Variants in NEXN observed in about 807,000 individuals in gnomAD.
NEXN encodes nexilin F-actin binding protein.
Under a neutral mutation model 92.6 loss-of-function variants are expected in NEXN, and 65 were observed. That is an observed-to-expected ratio of 0.70 (90% CI 0.57 to 0.86). The LOEUF is 0.86. NEXN is among the 40% of genes least tolerant of loss of function. The pLI is 0.00. For missense variants in NEXN, 778 were observed against 771.1 expected, an observed-to-expected ratio of 1.01 and a Z score of -0.11; for synonymous variants, 254 against 242.5, an observed-to-expected ratio of 1.05 and a Z score of -0.44.
At chr1:77,925,960 TG>T (rs1366337927) in intron 6 of NEXN, among the ~76,000 whole-genome samples, 1 of 152,126 alleles carries the variant, frequency 6.6e-6, no homozygotes, top group Non-Finnish European at 1.5e-5. Flanking sequence ...GGAAATACTG[TG>T]TTTTTTTCTC....
intron 5 of NEXN, among the ~76,000 whole-genome samples, chr1:77,920,536 G>C (rs1202981554): frequency 6.8e-6 from 1 of 147,526 alleles, no homozygotes; most frequent in African/African-American, 2.5e-5. Flanking sequence ...CAGGAGGACT[G>C]CTTGAGCCCA....
chr1:77,914,788 C>A (rs1485527543), intron 1 of NEXN, among the ~76,000 whole-genome samples: 1 of 148,812 alleles, frequency 6.7e-6, no homozygotes, highest in Non-Finnish European at 1.5e-5. Context: ...AACTGGAAGG[C>A]GGAGGTTGCA....
chr1:77,897,627 C>A (rs796972894), intron 1 of NEXN, among the ~76,000 whole-genome samples: 8 of 151,314 alleles, frequency 5.3e-5, no homozygotes, highest in Non-Finnish European at 1.2e-4. Context: ...TCTCACCACT[C>A]CTATTCAACA....
At chr1:77,896,710 G>T (rs1398009740) in intron 1 of NEXN, among the ~76,000 whole-genome samples, 3 of 151,668 alleles carry the variant, frequency 2.0e-5, no homozygotes, top group African/African-American at 4.9e-5. Context: ...AGTGAGCTGA[G>T]ATTGCACCAC....
intron 10 of NEXN, among the ~76,000 whole-genome samples, chr1:77,934,745 G>A (rs999664005): frequency 2.0e-5 from 3 of 152,198 alleles, no homozygotes; most frequent in Non-Finnish European, 2.9e-5. Context: ...CAGGGGCCAG[G>A]CCACACACAT....
At chr1:77,894,696 C>T (rs1291266354) in intron 1 of NEXN, among the ~76,000 whole-genome samples, 2 of 151,862 alleles carry the variant, frequency 1.3e-5, no homozygotes, top group African/African-American at 4.8e-5. Context: ...TGAACCAATG[C>T]ACCCAGCCTA....
intron 11 of NEXN, among the ~76,000 whole-genome samples, chr1:77,939,527 CCTTTT>C (rs1651076765): frequency 1.3e-5 from 2 of 152,186 alleles, no homozygotes; most frequent in South Asian, 4.1e-4. Flanking sequence ...GCACTTGCTT[CCTTTT>C]GTTAATGGTA....
chr1:77,928,448 GTTA>G (rs1316039382), intron 8 of NEXN, among the ~76,000 whole-genome samples: 1 of 151,718 alleles, frequency 6.6e-6, no homozygotes, highest in African/African-American at 2.4e-5. Flanking sequence ...ATTTGAAAAT[GTTA>G]TTACTCGGGT....
intron 1 of NEXN, among the ~76,000 whole-genome samples, chr1:77,904,738 G>C (rs145912965): frequency 6.6e-6 from 1 of 152,276 alleles, no homozygotes; most frequent in Non-Finnish European, 1.5e-5. Context: ...TGGAAGTTGG[G>C]GAATAGTGTA....
rs1571157523 is a variant in NEXN, at chr1:77,935,958, A to G, written c.1387A>G (p.Ile463Val). 1.2e-6 allele frequency: 2 copies of G among 1,614,064 alleles called. No individual in the cohort carries two copies. The highest frequency in any genetic ancestry group is 1.7e-6 in the Non-Finnish European group (2 of 1,179,994). The change falls in exon 11 of 13, where the codon ATA becomes GTA. Residue 463 changes from isoleucine to valine, a missense_variant. Physicochemically the swap from Ile to Val is conservative, Grantham distance 29. Around this residue, in one of 3 missense-constraint regions of NEXN, gnomAD observed 532 missense variants for 476.7 expected, o/e 1.12. Transcript: ENST00000334785. ...EKIGQLSEKE[I>V]QKKIEEERAR... ...AATTGGACAGTTGTCTGAAAAAGAAATACAGAAAAAAATAGAAGAAGAGCG... is the reference window on the plus strand; with the variant it reads ...AATTGGACAGTTGTCTGAAAAAGAAGTACAGAAAAAAATAGAAGAAGAGCG...
At chr1:77,929,254 A>T in intron 8 of NEXN, 62 bp from the exon 9 acceptor site, 1 of 1,217,524 alleles carries the variant, frequency 8.2e-7, no homozygotes. Context: ...CCTTTTGATT[A>T]ATAATTCATT....
At chr1:77,928,258 C>A (rs1021612456) in intron 8 of NEXN, among the ~76,000 whole-genome samples, 15 of 149,880 alleles carry the variant, frequency 1.0e-4, no homozygotes, top group African/African-American at 3.7e-4. Context: ...CTACGGCGAA[C>A]TATGAATGAG....
intron 1 of NEXN, among the ~76,000 whole-genome samples, chr1:77,895,679 C>CCCCATCTCTGCTAA (rs1187481830): frequency 1.3e-5 from 2 of 152,060 alleles, no homozygotes; most frequent in Non-Finnish European, 2.9e-5. Context: ...GTCTGGTCAA[C>CCCCATCTCTGCTAA]ATGGTGAAAC....
chr1:77,896,598 A>G (rs1468891103), intron 1 of NEXN, among the ~76,000 whole-genome samples: 2 of 152,026 alleles, frequency 1.3e-5, no homozygotes, highest in African/African-American at 4.8e-5. Flanking sequence ...CATCCCTACT[A>G]AAAATACAAA....
At position 77,926,661 on chromosome 1, in the gene NEXN, G is replaced by C. The variant is rs775245848; in HGVS notation, c.687+50G>C. On this transcript the variant is annotated intron_variant, in intron 7 of 12. Coordinates refer to ENST00000334785, the MANE Select transcript of NEXN (RefSeq NM_144573.4). ...TAAGAAACAAATCAAGGCAGTTTAAGTTAGCAGCATTTTCCTTTATGACTA... is the reference window on the plus strand; with the variant it reads ...TAAGAAACAAATCAAGGCAGTTTAACTTAGCAGCATTTTCCTTTATGACTA... The C allele has an allele frequency of 4.3e-6, 7 of 1,613,708 alleles. No homozygotes were observed. The South Asian group carries it at 5.5e-5, about 13-fold the overall frequency.
Position 77,916,097 on chromosome 1 carries a change from T to A in NEXN, c.-10T>A. On this transcript the variant is annotated 5_prime_UTR_variant, in exon 2 of 13. Coordinates refer to ENST00000334785, the MANE Select transcript of NEXN (RefSeq NM_144573.4). ...GCTTCATAATCAGCCCAAGACCACA[T>A]AGAGCAAACATGAATGATATTTCCC... is the stretch of plus-strand genomic sequence containing the variant. The A allele has an allele frequency of 6.2e-7, 1 of 1,605,104 alleles. No individual in the cohort carries two copies. Among genetic ancestry groups the A allele is most frequent in the Non-Finnish European group, 8.5e-7 (1 of 1,174,824 alleles).
At position 77,895,623 on chromosome 1, in the gene NEXN, G is replaced by T. The variant is rs564850449; in HGVS notation, c.-53+6864G>T. On this transcript the variant is annotated intron_variant, in intron 1 of 12. Coordinates refer to ENST00000334785, the MANE Select transcript of NEXN (RefSeq NM_144573.4). ...TCACGCCTGTAATTCCAGCACTTTGGGGGTGCAAGGCAGGCGGATCTCTTG... is the reference window on the plus strand; with the variant it reads ...TCACGCCTGTAATTCCAGCACTTTGTGGGTGCAAGGCAGGCGGATCTCTTG... Among the ~76,000 whole-genome samples, 13 of 152,264 alleles carry T rather than the reference G, an allele frequency of 8.5e-5. No homozygotes were observed. In the South Asian group the frequency reaches 2.7e-3, roughly 32 times the overall value.
At position 77,903,357 on chromosome 1, in the gene NEXN, A is replaced by C. The variant is rs1322165718; in HGVS notation, c.-52-12698A>C. ...TCTAATACAATATGTATCAGTTAAG[A>C]GTTCTGAAGAAACTACATTAAAGTA... is the stretch of plus-strand genomic sequence containing the variant. On this transcript the variant is annotated intron_variant, in intron 1 of 12. Coordinates refer to ENST00000334785, the MANE Select transcript of NEXN (RefSeq NM_144573.4). Among the ~76,000 whole-genome samples, 4 of 152,310 alleles carry C rather than the reference A, an allele frequency of 2.6e-5. No individual in the cohort carries two copies. In the East Asian group the frequency reaches 5.8e-4, roughly 22 times the overall value.
chr1:77,918,948 AC>A (rs1649205678), intron 5 of NEXN, among the ~76,000 whole-genome samples: 1 of 152,148 alleles, frequency 6.6e-6, no homozygotes, highest in South Asian at 2.1e-4. Context: ...TAATAACAAT[AC>A]TTTTAAATGC....
Sources: gnomAD v4.1 joint callset for allele counts (sites outside exome capture counted in the v4.1 genomes callset) on GRCh38, gnomAD v4.1.1 for gene constraint, gnomAD v4.1.1 regional missense constraint, MANE v1.5 for transcripts, NCBI Gene and HGNC (gene_info 2026-07-23, HGNC 2026-07-21) for gene names.